The following ACACA variants were observed in gnomAD, a reference collection of about 807,000 sequenced individuals.
ACACA encodes acetyl-CoA carboxylase alpha.
ACACA carries 103 observed loss-of-function variants against 296.1 expected under a neutral mutation model. The ratio of observed to expected loss-of-function variants is 0.35; its 90% confidence interval spans 0.30 to 0.41. The LOEUF (loss-of-function observed/expected upper bound fraction) is 0.41. Ranked by LOEUF, ACACA falls within the 10% of genes least tolerant of loss-of-function variation. The pLI is 1.00. For synonymous variants in ACACA, 953 were observed against 1,038.6 expected (o/e 0.92, Z 1.58); for missense variants, 1,554 against 2,989.7 (o/e 0.52, Z 11.20).
chr17:37,354,422 A>C (rs2147516320), intron 1 of ACACA, among the ~76,000 whole-genome samples: 1 of 152,286 alleles, frequency 6.6e-6, no homozygotes, highest in South Asian at 2.1e-4. Flanking sequence ...AAAAGTAACA[A>C]ATTAGTAAGA....
In ACACA at chr17:37,284,844, A is replaced by C. The variant is rs765993634; in HGVS notation, c.465T>G (p.Ile155Met). The stretch of plus-strand genomic sequence containing the variant: ...TCAGCAAGTTACAACTTACCTTCTC[A>C]ATCACTTTATTTCCCCCAAAGCGAG... ...FVTRFGGNKV[I>M]EKVLIANNGI... is the part of the protein sequence containing the mutation. Residue 155 changes from isoleucine to methionine, a missense_variant, in exon 4 of 56, where the codon ATT (isoleucine) becomes ATG (methionine). This residue lies in a region of ACACA where 40 missense variants were observed against 92.2 expected (regional missense o/e 0.43). Coordinates refer to ENST00000616317, the MANE Select transcript of ACACA (RefSeq NM_198834.3). The C allele has an allele frequency of 1.3e-5, 21 of 1,614,038 alleles. No individual in the cohort carries two copies. Among genetic ancestry groups the C allele is most frequent in the Non-Finnish European group, 1.6e-5 (19 of 1,180,006 alleles).
Position 37,244,674 on chromosome 17 carries a change from G to C in ACACA, c.2656C>G (p.Leu886Val). 6.2e-7 allele frequency: 1 copy of C among 1,614,178 alleles called. No individual in the cohort carries two copies. The highest frequency in any genetic ancestry group is 2.2e-5 in the East Asian group (1 of 44,884). ...AGGACATAATGGAACACTCGATGGA[G>C]TTTCTCGCCTCTGAGTGCCGTGCTC... is the stretch of plus-strand genomic sequence containing the variant. ...IQSTALRGEK[L>V]HRVFHYVLDN... is the part of the protein sequence containing the mutation. Residue 886 changes from leucine (L) to valine (V), a missense_variant, in exon 21 of 56, where the codon CTC becomes GTC. Transcript: ENST00000616317.
chr17:37,148,060 T>C (rs1006703442), intron 45 of ACACA, among the ~76,000 whole-genome samples: 1 of 152,084 alleles, frequency 6.6e-6, no homozygotes, highest in African/African-American at 2.4e-5. Flanking sequence ...ATTAGCTCTC[T>C]GACTGGGTAT....
intron 29 of ACACA, among the ~76,000 whole-genome samples, chr17:37,220,577 G>A (rs1598221304): frequency 1.3e-5 from 2 of 152,164 alleles, no homozygotes; most frequent in Non-Finnish European, 2.9e-5. Context: ...AATCCATGGA[G>A]GCAAAAATGT....
In ACACA at chr17:37,244,854, A is replaced by G; in HGVS notation, c.2596-120T>C. 4.2e-6 allele frequency: 6 copies of G among 1,435,242 alleles called. No individual in the cohort carries two copies. The South Asian group carries it at 4.6e-5, about 11-fold the overall frequency. 88.9% of individuals were successfully genotyped at this position (1,435,242 alleles called of 1,614,324 possible). A position where few individuals can be genotyped will look rare whatever the true frequency, so the allele number is the denominator to read the frequency against. Reference sequence around the variant, plus strand: ...CATCATACCCAGCTACCAGGAGGGAAGTCAATAGAGGAAACATCATAAGGA... The same window carrying G: ...CATCATACCCAGCTACCAGGAGGGAGGTCAATAGAGGAAACATCATAAGGA... On this transcript the variant is annotated intron_variant, in intron 20 of 55. Coordinates refer to ENST00000616317, the MANE Select transcript of ACACA (RefSeq NM_198834.3).
chr17:37,387,463 T>C (rs1197953775), intron 1 of ACACA: 1 of 151,308 alleles, frequency 6.6e-6, no homozygotes, highest in Admixed American at 6.6e-5. Flanking sequence ...TTTTTGTTCT[T>C]TAAGATGGAG....
rs1234557212 is a variant in ACACA at position 37,087,675 on chromosome 17, C to A, written c.7029-236G>T. Reference sequence around the variant, plus strand: ...AACCCAAAACAAAACCCAAAAAAAACCCAAAACATGCCAATGGGGGCATGT... The same window carrying A: ...AACCCAAAACAAAACCCAAAAAAAAACCAAAACATGCCAATGGGGGCATGT... On this transcript the variant is annotated intron_variant, in intron 55 of 55. Coordinates refer to ENST00000616317, the MANE Select transcript of ACACA (RefSeq NM_198834.3). Among the ~76,000 whole-genome samples, 3 of 151,986 alleles carry A rather than the reference C, an allele frequency of 2.0e-5. No individual in the cohort carries two copies. The East Asian group carries it at 5.8e-4, about 29-fold the overall frequency.
intron 5 of ACACA, among the ~76,000 whole-genome samples, chr17:37,280,205 T>C (rs1567932844): frequency 2.0e-5 from 3 of 152,124 alleles, no homozygotes; most frequent in African/African-American, 7.2e-5. Flanking sequence ...TAGATTTCTT[T>C]TTTGTTTGTT....
chr17:37,119,587 CAA>C (rs1491235666), intron 50 of ACACA, among the ~76,000 whole-genome samples: 13 of 107,604 alleles, frequency 1.2e-4, no homozygotes, highest in Admixed American at 3.5e-4. Flanking sequence ...ACTTTTCAAC[CAA>C]ACACACACAC....
chr17:37,162,187 G>T, intron 41 of ACACA, 137 bp from the exon 42 acceptor site: 1 of 893,346 alleles, frequency 1.1e-6, no homozygotes, highest in Non-Finnish European at 1.8e-6. Context: ...CAAACTCCCT[G>T]TGGGAAACTA....
intron 41 of ACACA, among the ~76,000 whole-genome samples, chr17:37,168,900 T>C (rs1306059884): frequency 1.3e-5 from 2 of 152,160 alleles, no homozygotes; most frequent in African/African-American, 2.4e-5. Context: ...ATTTGTACAA[T>C]AGACAAGAAC....
intron 33 of ACACA, 143 bp from the exon 34 acceptor site, chr17:37,200,626 G>A (rs2078206476): frequency 4.0e-6 from 3 of 753,476 alleles, no homozygotes; most frequent in African/African-American, 1.7e-5. Context: ...CTTCAAACTT[G>A]CAAGTGAACA....
chr17:37,349,694 T>TTACAG (rs952625066), intron 1 of ACACA, among the ~76,000 whole-genome samples: 1 of 151,334 alleles, frequency 6.6e-6, no homozygotes, highest in Non-Finnish European at 1.5e-5. Context: ...GTAGCTGGGA[T>TTACAG]TACAGGTACC....
chr17:37,281,886 A>C (rs2082553373), intron 5 of ACACA, among the ~76,000 whole-genome samples: 1 of 152,128 alleles, frequency 6.6e-6, no homozygotes. Flanking sequence ...GAAAAAAACC[A>C]CGCAAGTTAA....
At chr17:37,199,823 GT>G (rs907028065) in intron 35 of ACACA, among the ~76,000 whole-genome samples, 1 of 105,178 alleles carries the variant, frequency 9.5e-6, no homozygotes, top group South Asian at 3.6e-4. Flanking sequence ...TCATTATAGG[GT>G]TAAAAAAAAA....
chr17:37,222,924 T>C (rs552974653), intron 28 of ACACA, among the ~76,000 whole-genome samples: 7 of 152,340 alleles, frequency 4.6e-5, no homozygotes, highest in African/African-American at 9.6e-5. Flanking sequence ...TGAGTTCAAA[T>C]GCAAACTCTT....
intron 5 of ACACA, among the ~76,000 whole-genome samples, chr17:37,281,510 C>T (rs577388559): frequency 6.6e-6 from 1 of 152,280 alleles, no homozygotes; most frequent in Non-Finnish European, 1.5e-5. Context: ...ATTCAACTGT[C>T]AATCTCCATG....
At chr17:37,107,902 A>G (rs2142969069) in intron 52 of ACACA, among the ~76,000 whole-genome samples, 1 of 152,322 alleles carries the variant, frequency 6.6e-6, no homozygotes, top group East Asian at 1.9e-4. Flanking sequence ...CCAGGCTAGC[A>G]AGGCCGTCCC....
chr17:37,267,581 T>C (rs577493423), intron 10 of ACACA, among the ~76,000 whole-genome samples: 2 of 152,268 alleles, frequency 1.3e-5, no homozygotes, highest in Middle Eastern at 3.4e-3. Flanking sequence ...TATCTTTTTC[T>C]AGATTTTTTT....
Sources: allele counts gnomAD v4.1 joint callset (sites outside exome capture counted in the v4.1 genomes callset), GRCh38; gene constraint gnomAD v4.1.1; regional missense constraint gnomAD v4.1.1; transcripts MANE v1.5; gene names NCBI Gene and HGNC (gene_info 2026-07-23, HGNC 2026-07-21).